LDB2: variants seen among roughly 807,000 people sequenced by gnomAD.
LDB2 encodes LIM domain-binding protein 2.
LDB2 carries 12 observed loss-of-function variants against 44.3 expected under a neutral mutation model. The observed-to-expected ratio is 0.27, with a 90% confidence interval of 0.17 to 0.44. The LOEUF is 0.44. Among genes scored for constraint, LDB2 ranks in the 20% least tolerant of loss-of-function variants. The pLI is 1.00. For missense variants in LDB2, 344 were observed against 473.5 expected, an observed-to-expected ratio of 0.73 and a Z score of 2.54; for synonymous variants, 164 against 174.8, an observed-to-expected ratio of 0.94 and a Z score of 0.49.
chr4:16,611,490 G>A (rs10023646), intron 2 of LDB2, among the ~76,000 whole-genome samples: 150,850 of 151,712 alleles, frequency 0.99, 75,004 homozygotes, highest in Middle Eastern at 1. Flanking sequence ...AAAGAAACAC[G>A]CAGGCTCAAA....
intron 1 of LDB2, among the ~76,000 whole-genome samples, chr4:16,893,942 T>TAA (rs1266456749): frequency 6.6e-6 from 1 of 152,220 alleles, no homozygotes; most frequent in Non-Finnish European, 1.5e-5. Flanking sequence ...CTTTACTTGA[T>TAA]AAACTTTCTT....
chr4:16,616,027 A>G (rs1296640041), intron 2 of LDB2, among the ~76,000 whole-genome samples: 1 of 152,232 alleles, frequency 6.6e-6, no homozygotes, highest in Non-Finnish European at 1.5e-5. Flanking sequence ...AAAACCATCC[A>G]TGAAATGCTC....
At chr4:16,680,476 C>T (rs1476996464) in intron 2 of LDB2, among the ~76,000 whole-genome samples, 1 of 152,206 alleles carries the variant, frequency 6.6e-6, no homozygotes, top group African/African-American at 2.4e-5. Flanking sequence ...AAATAATCAC[C>T]ATTTACAGGG....
chr4:16,609,130 C>A (rs1724843498), intron 2 of LDB2, among the ~76,000 whole-genome samples: 1 of 152,098 alleles, frequency 6.6e-6, no homozygotes, highest in Non-Finnish European at 1.5e-5. Flanking sequence ...AGTGGCCTAC[C>A]TGAGGGCCAC....
chr4:16,733,447 G>C (rs1182741657), intron 2 of LDB2, among the ~76,000 whole-genome samples: 4 of 152,088 alleles, frequency 2.6e-5, no homozygotes, highest in African/African-American at 9.7e-5. Context: ...GAAAGTTCTT[G>C]ACCAAAAAGT....
chr4:16,505,874 C>A, intron 7 of LDB2: 1 of 1,550,974 alleles, frequency 6.4e-7, no homozygotes, highest in African/African-American at 1.4e-5. Context: ...CCTTTCAGGG[C>A]CCCTCAATGC....
chr4:16,857,173 C>T (rs553318313), intron 1 of LDB2, among the ~76,000 whole-genome samples: 3 of 152,184 alleles, frequency 2.0e-5, no homozygotes, highest in Non-Finnish European at 4.4e-5. Context: ...TGTCAGGTGG[C>T]AGCAGGGGCA....
chr4:16,792,612 A>G (rs1422672392), intron 1 of LDB2, among the ~76,000 whole-genome samples: 3 of 152,234 alleles, frequency 2.0e-5, no homozygotes, highest in African/African-American at 7.2e-5. Context: ...CGAAAGATGC[A>G]TCATGGTTAT....
rs1001306030 is a variant in LDB2 at position 16,888,666 on chromosome 4, T to C, written c.132+9688A>G. The C allele has an allele frequency of 7.3e-6, 7 of 956,510 alleles. No homozygotes were observed. In the Admixed American group the frequency reaches 1.8e-4, roughly 25 times the overall value. The allele number at this position is 956,510 out of a possible 1,614,324, so 59.3% of individuals were successfully genotyped here. ...TTAAGAAATGAAGCAATGTTTGGCA[T>C]TACTTACATTATTTAATTTGCTGAT... On this transcript the variant is annotated intron_variant, in intron 1 of 7. Coordinates refer to ENST00000304523, the MANE Select transcript of LDB2 (RefSeq NM_001290.5).
chr4:16,595,119 G>A (rs1720444696), intron 3 of LDB2, among the ~76,000 whole-genome samples: 1 of 152,036 alleles, frequency 6.6e-6, no homozygotes, highest in Admixed American at 6.6e-5. Flanking sequence ...ATGGGGCTTT[G>A]AATTCAGCCT....
chr4:16,704,747 G>C (rs899694029), intron 2 of LDB2, among the ~76,000 whole-genome samples: 1 of 152,162 alleles, frequency 6.6e-6, no homozygotes, highest in African/African-American at 2.4e-5. Context: ...GTTCTCTATG[G>C]TGAGGACAAG....
Position 16,506,009 on chromosome 4 carries a change from C to T in LDB2, c.891+2526G>A, listed in dbSNP as rs1444085269. On this transcript the variant is annotated intron_variant, in intron 7 of 7. Coordinates refer to ENST00000304523, the MANE Select transcript of LDB2 (RefSeq NM_001290.5). Reference sequence around the variant, plus strand: ...TGCTCATGGAGTGAGAAGCAGAATCCAAGGATTAAACCCTAGCCCTCGCCA... The same window carrying T: ...TGCTCATGGAGTGAGAAGCAGAATCTAAGGATTAAACCCTAGCCCTCGCCA... The T allele has an allele frequency of 6.5e-6, 10 of 1,549,548 alleles. No individual in the cohort carries two copies. The African/African-American group carries it at 9.6e-5, about 15-fold the overall frequency.
chr4:16,521,162 A>G (rs1422222944), intron 5 of LDB2, among the ~76,000 whole-genome samples: 1 of 152,208 alleles, frequency 6.6e-6, no homozygotes, highest in African/African-American at 2.4e-5. Flanking sequence ...CTGGTACCAC[A>G]GACTGGGTGG....
At chr4:16,539,307 A>C (rs544623836) in intron 5 of LDB2, among the ~76,000 whole-genome samples, 1 of 152,284 alleles carries the variant, frequency 6.6e-6, no homozygotes, top group South Asian at 2.1e-4. Flanking sequence ...GAAGGATGTA[A>C]AAAGGTACAG....
At chr4:16,621,048 C>G (rs560699339) in intron 2 of LDB2, among the ~76,000 whole-genome samples, 3 of 152,228 alleles carry the variant, frequency 2.0e-5, no homozygotes, top group African/African-American at 7.2e-5. Flanking sequence ...TCCACAAACT[C>G]TTTTCACACA....
At chr4:16,740,812 A>T (rs1248592367) in intron 2 of LDB2, among the ~76,000 whole-genome samples, 1 of 152,236 alleles carries the variant, frequency 6.6e-6, no homozygotes, top group East Asian at 1.9e-4. Flanking sequence ...TTCAGCCCTA[A>T]TAATTACTTG....
chr4:16,857,690 C>T (rs1789628460), intron 1 of LDB2, among the ~76,000 whole-genome samples: 1 of 152,312 alleles, frequency 6.6e-6, no homozygotes, highest in East Asian at 1.9e-4. Context: ...TGCCTGGATG[C>T]TCTTCCTCGA....
At chr4:16,632,650 G>C (rs187802804) in intron 2 of LDB2, among the ~76,000 whole-genome samples, 175 of 152,286 alleles carry the variant, frequency 1.1e-3, no homozygotes, top group African/African-American at 3.9e-3. Context: ...GTCTCTGTTT[G>C]CAGATAACAT....
chr4:16,698,394 A>G (rs1308107461), intron 2 of LDB2, among the ~76,000 whole-genome samples: 1 of 152,176 alleles, frequency 6.6e-6, no homozygotes, highest in East Asian at 1.9e-4. Context: ...CACACCCAGC[A>G]GTAGTGTATG....
Sources: gnomAD v4.1 joint callset for allele counts (sites outside exome capture counted in the v4.1 genomes callset) on GRCh38, gnomAD v4.1.1 for gene constraint, MANE v1.5 for transcripts, NCBI Gene and HGNC (gene_info 2026-07-23, HGNC 2026-07-21) for gene names.